CLVS1: variants seen among roughly 807,000 people sequenced by gnomAD.
The protein encoded by CLVS1 is clavesin-1.
Under a neutral mutation model 33.1 loss-of-function variants are expected in CLVS1, and 10 were observed. That is an observed-to-expected ratio of 0.30 (90% CI 0.19 to 0.51). The LOEUF is 0.51. Ranked by LOEUF, CLVS1 falls within the 20% of genes least tolerant of loss-of-function variation. The pLI is 0.97. For missense variants in CLVS1, 343 were observed against 433.4 expected (o/e 0.79, Z 1.85); for synonymous variants, 163 against 166.1 (o/e 0.98, Z 0.14).
At chr8:61,254,962 T>C (rs1035825349) in intron 2 of CLVS1, among the ~76,000 whole-genome samples, 4 of 152,150 alleles carry the variant, frequency 2.6e-5, no homozygotes, top group African/African-American at 9.7e-5. Context: ...AGTACCTCAG[T>C]TGGAAATGCA....
At chr8:61,017,633 T>A in the CLVS1 span, among the ~76,000 whole-genome samples, 1 of 152,260 alleles carries the variant, frequency 6.6e-6, no homozygotes, top group Non-Finnish European at 1.5e-5. Context: ...CCACAAGGAC[T>A]GGTGCTGGCC....
At chr8:61,045,516 G>A in the CLVS1 span, among the ~76,000 whole-genome samples, 10 of 152,314 alleles carry the variant, frequency 6.6e-5, no homozygotes, top group East Asian at 1.9e-3. Flanking sequence ...TAGTGGAAAA[G>A]CCTCCTAAAG....
intron 3 of CLVS1, among the ~76,000 whole-genome samples, chr8:61,427,223 A>G (rs1186619502): frequency 1.3e-5 from 2 of 152,050 alleles, no homozygotes; most frequent in Non-Finnish European, 2.9e-5. Flanking sequence ...AACTTCTTGT[A>G]CCCCTTTTTA....
At chr8:61,282,372 A>G (rs377370726) in intron 2 of CLVS1, among the ~76,000 whole-genome samples, 1 of 152,186 alleles carries the variant, frequency 6.6e-6, no homozygotes, top group African/African-American at 2.4e-5. Context: ...ATGGTTGGAG[A>G]TGCCACAGTA....
At chr8:61,222,704 G>T (rs1254444951) in intron 2 of CLVS1, among the ~76,000 whole-genome samples, 1 of 152,190 alleles carries the variant, frequency 6.6e-6, no homozygotes, top group Non-Finnish European at 1.5e-5. Context: ...ACTTGATGCA[G>T]AGTTGAGTTC....
At chr8:61,481,221 G>A (rs1049079940) in intron 5 of CLVS1, among the ~76,000 whole-genome samples, 2 of 152,040 alleles carry the variant, frequency 1.3e-5, no homozygotes, top group African/African-American at 2.4e-5. Flanking sequence ...GCAATTTGGT[G>A]TATAAAAAAT....
chr8:61,247,121 AT>A (rs1487430738), intron 2 of CLVS1, among the ~76,000 whole-genome samples: 2 of 152,184 alleles, frequency 1.3e-5, no homozygotes, highest in Admixed American at 6.6e-5. Context: ...ATCAAAACAC[AT>A]GATCTAATTA....
intron 2 of CLVS1, among the ~76,000 whole-genome samples, chr8:61,206,795 G>A (rs1258140536): frequency 2.0e-5 from 3 of 152,168 alleles, no homozygotes; most frequent in African/African-American, 7.2e-5. Context: ...CACCTTGTTA[G>A]CCAGGATGGT....
intron 5 of CLVS1, among the ~76,000 whole-genome samples, chr8:61,485,169 G>T (rs1379667213): frequency 6.6e-6 from 1 of 152,030 alleles, no homozygotes; most frequent in African/African-American, 2.4e-5. Flanking sequence ...CCCACAAAAT[G>T]GGAGAAAATT....
At chr8:61,113,077 T>C (rs1805658658) in intron 1 of CLVS1, among the ~76,000 whole-genome samples, 1 of 152,160 alleles carries the variant, frequency 6.6e-6, no homozygotes, top group Non-Finnish European at 1.5e-5. Context: ...TCACTGTGGT[T>C]ATCTACAGAG....
chr8:61,437,003 GA>G (rs1223558526), intron 3 of CLVS1, among the ~76,000 whole-genome samples: 1 of 152,172 alleles, frequency 6.6e-6, no homozygotes, highest in Non-Finnish European at 1.5e-5. Context: ...GGTAGTAAAT[GA>G]TTTTCAGGGG....
the CLVS1 span, among the ~76,000 whole-genome samples, chr8:61,034,489 G>T: frequency 1.5e-4 from 23 of 151,772 alleles, no homozygotes; most frequent in African/African-American, 4.8e-4. Context: ...CATTTCTTTT[G>T]TCTAGCTGAA....
At chr8:61,140,535 A>AT (rs1233179469) in intron 2 of CLVS1, among the ~76,000 whole-genome samples, 1 of 151,818 alleles carries the variant, frequency 6.6e-6, no homozygotes, top group Non-Finnish European at 1.5e-5. Flanking sequence ...ATATACTTTA[A>AT]TTTTTTTATT....
intron 1 of CLVS1, among the ~76,000 whole-genome samples, chr8:61,118,622 G>A (rs959756936): frequency 5.3e-5 from 8 of 151,344 alleles, no homozygotes; most frequent in Non-Finnish European, 7.4e-5. Flanking sequence ...CCTTCATTTC[G>A]TTATGTACCC....
intron 3 of CLVS1, among the ~76,000 whole-genome samples, chr8:61,405,786 T>G (rs1026935142): frequency 2.0e-5 from 3 of 152,084 alleles, no homozygotes; most frequent in Admixed American, 6.5e-5. Context: ...TGTCTTAATT[T>G]ATATTGCACC....
intron 1 of CLVS1, among the ~76,000 whole-genome samples, chr8:61,293,015 A>G (rs1452180680): frequency 1.3e-5 from 2 of 152,144 alleles, no homozygotes; most frequent in Non-Finnish European, 1.5e-5. Flanking sequence ...GCTCATTCCA[A>G]TCTACTTTTA....
the CLVS1 span, among the ~76,000 whole-genome samples, chr8:61,032,938 T>C: frequency 2.2e-5 from 3 of 134,930 alleles, no homozygotes; most frequent in Admixed American, 8.4e-5. Context: ...TTGGACAACA[T>C]AGTGAGACCC....
chr8:61,268,110 C>G (rs1281282409), intron 2 of CLVS1, among the ~76,000 whole-genome samples: 2 of 152,032 alleles, frequency 1.3e-5, no homozygotes, highest in Admixed American at 6.5e-5. Context: ...TGGTGCACTG[C>G]ACCCACTAAC....
intron 2 of CLVS1, among the ~76,000 whole-genome samples, chr8:61,331,823 T>TCTTCCTCCTCC (rs1563499886): frequency 7.0e-6 from 1 of 141,986 alleles, no homozygotes; most frequent in African/African-American, 2.6e-5. Context: ...CCTCCTCCTC[T>TCTTCCTCCTCC]TCCTCCTCCT....
Sources: allele counts gnomAD v4.1 joint callset (sites outside exome capture counted in the v4.1 genomes callset), GRCh38; gene constraint gnomAD v4.1.1; transcripts MANE v1.5; gene names NCBI Gene and HGNC (gene_info 2026-07-23, HGNC 2026-07-21).